KCNH7: variants seen among roughly 807,000 people sequenced by gnomAD.
The protein encoded by KCNH7 is potassium voltage-gated channel subfamily H member 7.
In KCNH7, 49 loss-of-function variants were observed where a neutral mutation model predicts 120.8. That is an observed-to-expected ratio of 0.41 (90% confidence interval 0.32 to 0.51). KCNH7 has a LOEUF of 0.51. KCNH7 is among the 20% of genes least tolerant of loss of function. KCNH7 has a pLI of 0.38. For synonymous variants in KCNH7, 547 were observed against 516.1 expected (o/e 1.06, Z -0.81); for missense variants, 1,097 against 1,446.6 (o/e 0.76, Z 3.92).
chr2:162,496,061 C>T (rs75282370), intron 6 of KCNH7, among the ~76,000 whole-genome samples: 3,188 of 152,132 alleles, frequency 0.021, 240 homozygotes, highest in Admixed American at 0.15. Context: ...CTTCAAATGG[C>T]GATGCAAATG....
At chr2:162,532,614 A>G (rs1691962248) in intron 3 of KCNH7, among the ~76,000 whole-genome samples, 1 of 151,996 alleles carries the variant, frequency 6.6e-6, no homozygotes, top group African/African-American at 2.4e-5. Context: ...TAAACACGAG[A>G]GAACTCTGAA....
At chr2:162,691,376 A>G (rs907007778) in intron 2 of KCNH7, among the ~76,000 whole-genome samples, 6 of 152,024 alleles carry the variant, frequency 3.9e-5, no homozygotes, top group Non-Finnish European at 8.8e-5. Flanking sequence ...ACCTGTGGAG[A>G]CTTTTGTTTG....
chr2:162,788,973 T>G (rs899159209), intron 2 of KCNH7, among the ~76,000 whole-genome samples: 5 of 128,794 alleles, frequency 3.9e-5, no homozygotes, highest in African/African-American at 1.5e-4. Flanking sequence ...TGGGATGATA[T>G]AGTCAGGTAC....
chr2:162,424,592 C>T (rs1359762925), intron 8 of KCNH7, among the ~76,000 whole-genome samples: 3 of 152,150 alleles, frequency 2.0e-5, no homozygotes, highest in African/African-American at 2.4e-5. Flanking sequence ...TCAAACAACA[C>T]ATTTTTTTCC....
intron 2 of KCNH7, among the ~76,000 whole-genome samples, chr2:162,726,990 T>A (rs1053544884): frequency 6.6e-6 from 1 of 152,176 alleles, no homozygotes; most frequent in African/African-American, 2.4e-5. Context: ...CTGAATCAGT[T>A]TTTACTTTTA....
At chr2:162,386,442 C>T (rs1361212746) in intron 12 of KCNH7, among the ~76,000 whole-genome samples, 2 of 151,718 alleles carry the variant, frequency 1.3e-5, no homozygotes, top group Non-Finnish European at 2.9e-5. Context: ...AAAGATTAGC[C>T]TAGTAAATGT....
intron 9 of KCNH7, among the ~76,000 whole-genome samples, chr2:162,415,484 A>G (rs1057393231): frequency 6.6e-6 from 1 of 152,178 alleles, no homozygotes; most frequent in Non-Finnish European, 1.5e-5. Context: ...GAAAAGATAT[A>G]AAGTACTTTT....
chr2:162,503,689 A>G (rs924412824), intron 6 of KCNH7, among the ~76,000 whole-genome samples: 1 of 152,012 alleles, frequency 6.6e-6, no homozygotes, highest in East Asian at 1.9e-4. Flanking sequence ...TATTATAGAG[A>G]GTTTATGCAA....
chr2:162,409,075 G>T (rs1473679095), intron 9 of KCNH7, among the ~76,000 whole-genome samples: 4 of 151,666 alleles, frequency 2.6e-5, no homozygotes. Flanking sequence ...TAAGAAAAAG[G>T]TAATTAATGG....
At chr2:162,758,228 G>T (rs948174424) in intron 2 of KCNH7, among the ~76,000 whole-genome samples, 2 of 152,106 alleles carry the variant, frequency 1.3e-5, no homozygotes, top group Non-Finnish European at 2.9e-5. Flanking sequence ...GTCAGGGAAG[G>T]TTCTCTGGAG....
At chr2:162,707,559 T>C (rs1185697900) in intron 2 of KCNH7, among the ~76,000 whole-genome samples, 5 of 152,154 alleles carry the variant, frequency 3.3e-5, no homozygotes, top group Non-Finnish European at 5.9e-5. Context: ...ACATCTATTG[T>C]ATCAAAAGAA....
chr2:162,475,446 C>T (rs1184114339), intron 6 of KCNH7, among the ~76,000 whole-genome samples: 1 of 152,204 alleles, frequency 6.6e-6, no homozygotes, highest in Non-Finnish European at 1.5e-5. Context: ...CCCGTCTCCA[C>T]CCAAATTGTC....
Position 162,508,326 on chromosome 2 carries a change from GT to G in KCNH7, c.914-3670del, listed in dbSNP as rs201688020. Among the ~76,000 whole-genome samples the G allele has an allele frequency of 1.7e-3, 231 of 139,164 alleles. 1 individual carries two copies. Among genetic ancestry groups the G allele is most frequent in the African/African-American group, 3.8e-3 (146 of 38,338 alleles). The allele number at this position is 139,164 out of a possible 152,430, so 91.3% of individuals were successfully genotyped here. A position where few individuals can be genotyped will look rare whatever the true frequency, so the allele number is the denominator to read the frequency against. On this transcript the variant is annotated intron_variant, in intron 5 of 15. Coordinates refer to ENST00000332142, the MANE Select transcript of KCNH7 (RefSeq NM_033272.4). ...CTTCTAAACTCTTATTCTATTCTGG[GT>G]TTTTTTTTTTGGCTCTTAGTCTTAA...
At chr2:162,521,707 T>C (rs111891508) in intron 3 of KCNH7, among the ~76,000 whole-genome samples, 5 of 151,906 alleles carry the variant, frequency 3.3e-5, no homozygotes, top group African/African-American at 7.2e-5. Flanking sequence ...ATCAGTGTAA[T>C]TGGGATATGC....
chr2:162,723,671 T>C (rs1559100838), intron 2 of KCNH7, among the ~76,000 whole-genome samples: 1 of 152,236 alleles, frequency 6.6e-6, no homozygotes, highest in Non-Finnish European at 1.5e-5. Flanking sequence ...TATACTTCAG[T>C]TTCTTTTTTT....
At chr2:162,741,931 G>A (rs1319424395) in intron 2 of KCNH7, among the ~76,000 whole-genome samples, 2 of 152,152 alleles carry the variant, frequency 1.3e-5, no homozygotes, top group Non-Finnish European at 2.9e-5. Flanking sequence ...ATTTATAGAT[G>A]CATAGAATGG....
intron 2 of KCNH7, among the ~76,000 whole-genome samples, chr2:162,664,084 C>T (rs1685058707): frequency 6.6e-6 from 1 of 152,056 alleles, no homozygotes; most frequent in Non-Finnish European, 1.5e-5. Context: ...CCATCTTTCC[C>T]CCTGATCTTC....
At chr2:162,719,783 T>C (rs1169509133) in intron 2 of KCNH7, among the ~76,000 whole-genome samples, 2 of 151,836 alleles carry the variant, frequency 1.3e-5, no homozygotes. Context: ...AACAAACAAA[T>C]AAACAAAATA....
chr2:162,373,719 G>T, intron 14 of KCNH7, 57 bp from the exon 15 acceptor site: 1 of 1,265,910 alleles, frequency 7.9e-7, no homozygotes, highest in Non-Finnish European at 1.0e-6. Flanking sequence ...AATTTCAGGA[G>T]CATTTAAAAA....
Sources: gnomAD v4.1 joint callset for allele counts (sites outside exome capture counted in the v4.1 genomes callset) on GRCh38, gnomAD v4.1.1 for gene constraint, MANE v1.5 for transcripts, NCBI Gene and HGNC (gene_info 2026-07-23, HGNC 2026-07-21) for gene names.